The following MEMO1 variants were observed in gnomAD, a reference collection of about 807,000 sequenced individuals.
MEMO1 encodes the protein protein MEMO1.
Under a neutral mutation model 45.2 loss-of-function variants are expected in MEMO1, and 6 were observed. The observed-to-expected ratio is 0.13, with a 90% CI of 0.07 to 0.26. The LOEUF is 0.26. Ranked by LOEUF, MEMO1 falls within the 10% of genes least tolerant of loss-of-function variation. The probability of loss-of-function intolerance (pLI) is 1.00; values close to 1 mark genes in which losing one functional copy is unlikely to be tolerated. For missense variants in MEMO1, 184 were observed against 370.5 expected, an observed-to-expected ratio of 0.50 and a Z score of 4.13; for synonymous variants, 78 against 124.3, an observed-to-expected ratio of 0.63 and a Z score of 2.48.
chr2:31,874,661 T>C (rs1233120917), intron 8 of MEMO1, among the ~76,000 whole-genome samples: 1 of 152,018 alleles, frequency 6.6e-6, no homozygotes, highest in African/African-American at 2.4e-5. Flanking sequence ...TTAGTTTCTT[T>C]TTACTCTATC....
chr2:31,935,292 G>A (rs185206951), intron 3 of MEMO1, among the ~76,000 whole-genome samples: 13 of 152,238 alleles, frequency 8.5e-5, no homozygotes, highest in Admixed American at 5.2e-4. Context: ...CTGTGGCATA[G>A]GAAAAGCAAT....
Position 31,883,475 on chromosome 2 carries a change from A to G in MEMO1, c.581-13T>C. 1.9e-6 allele frequency: 3 copies of G among 1,548,660 alleles called. No homozygotes were observed. Among genetic ancestry groups the G allele is most frequent in the Non-Finnish European group, 2.6e-6 (3 of 1,145,858 alleles). On this transcript the variant is annotated splice_polypyrimidine_tract_variant and intron_variant, in intron 7 of 9. Coordinates refer to ENST00000404530, the MANE Select transcript of MEMO1 (RefSeq NM_001301833.4). ...CGGAACCTTTGACCTTGAAACAAAT[A>G]TCATGTACAAAATAAAATAGGGAAA...
At chr2:31,926,985 C>T (rs1211053690) in intron 4 of MEMO1, among the ~76,000 whole-genome samples, 1 of 152,056 alleles carries the variant, frequency 6.6e-6, no homozygotes, top group East Asian at 1.9e-4. Flanking sequence ...CAAAATTATG[C>T]CAGGGTAAAA....
At chr2:31,882,043 C>A (rs1202866965) in intron 8 of MEMO1, among the ~76,000 whole-genome samples, 2 of 152,000 alleles carry the variant, frequency 1.3e-5, no homozygotes, top group African/African-American at 2.4e-5. Flanking sequence ...ACTCAGGAGG[C>A]TGAGGTGGGA....
chr2:32,008,454 C>T (rs898749103), intron 2 of MEMO1, among the ~76,000 whole-genome samples: 1 of 152,104 alleles, frequency 6.6e-6, no homozygotes, highest in Admixed American at 6.6e-5. Context: ...CGTGGTGGCG[C>T]GCGCCTGTAA....
chr2:31,886,333 G>C (rs1198580011), intron 7 of MEMO1, among the ~76,000 whole-genome samples: 2 of 152,086 alleles, frequency 1.3e-5, no homozygotes, highest in Non-Finnish European at 2.9e-5. Flanking sequence ...ATGTATTCTG[G>C]TCAATATACA....
intron 2 of MEMO1, among the ~76,000 whole-genome samples, chr2:32,006,874 G>A (rs1437459661): frequency 6.6e-6 from 1 of 150,990 alleles, no homozygotes; most frequent in Non-Finnish European, 1.5e-5. Flanking sequence ...CTGAGGCAGA[G>A]GGATCTCTTG....
chr2:31,913,523 T>G (rs906559594), intron 6 of MEMO1, among the ~76,000 whole-genome samples: 1 of 151,794 alleles, frequency 6.6e-6, no homozygotes, highest in African/African-American at 2.4e-5. Flanking sequence ...AAGAGTTTTT[T>G]TTTTTTTTTA....
chr2:31,953,454 A>ATTTTTTTTTTTTTT (rs148325193), intron 2 of MEMO1, among the ~76,000 whole-genome samples: 1 of 143,938 alleles, frequency 6.9e-6, no homozygotes, highest in African/African-American at 2.6e-5. Flanking sequence ...CTTTCATAAG[A>ATTTTTTTTTTTTTT]TTTTTTTTTT....
intron 7 of MEMO1, 122 bp downstream of exon 7, chr2:31,891,870 G>A (rs1677035336): frequency 2.0e-6 from 2 of 1,010,774 alleles, no homozygotes; most frequent in Non-Finnish European, 2.9e-6. Context: ...AAACACTGCT[G>A]CCAGAAGTAA....
At chr2:31,868,923 TTTAA>T (rs550614188) in intron 9 of MEMO1, among the ~76,000 whole-genome samples, 121 of 152,346 alleles carry the variant, frequency 7.9e-4, no homozygotes, top group Non-Finnish European at 9.3e-4. Context: ...GGATTTTTAC[TTTAA>T]TTGTCGATTG....
intron 4 of MEMO1, chr2:31,923,754 T>G: frequency 6.6e-7 from 1 of 1,523,706 alleles, no homozygotes; most frequent in Non-Finnish European, 8.8e-7. Context: ...ACAGTCAAAA[T>G]ATGAAGTGAT....
At chr2:31,932,725 G>A (rs1270096973) in intron 3 of MEMO1, among the ~76,000 whole-genome samples, 4 of 152,072 alleles carry the variant, frequency 2.6e-5, no homozygotes, top group African/African-American at 7.2e-5. Context: ...ATAAGCCACC[G>A]CACTTGGCCT....
intron 2 of MEMO1, among the ~76,000 whole-genome samples, chr2:31,996,816 G>A (rs1044217063): frequency 4.6e-5 from 7 of 152,092 alleles, no homozygotes; most frequent in South Asian, 2.1e-4. Context: ...ATGCAGCCTC[G>A]AACTCCTGGG....
At chr2:31,978,824 G>A (rs1309597902) in intron 2 of MEMO1, among the ~76,000 whole-genome samples, 7 of 152,072 alleles carry the variant, frequency 4.6e-5, no homozygotes, top group African/African-American at 1.7e-4. Context: ...ATTTTCCCAA[G>A]CAACATCTAA....
chr2:31,908,165 T>C (rs941389739), intron 6 of MEMO1, among the ~76,000 whole-genome samples: 10 of 152,224 alleles, frequency 6.6e-5, no homozygotes, highest in Admixed American at 6.5e-4. Context: ...GAAGCTCAGA[T>C]TTGTAAATGT....
intron 6 of MEMO1, 82 bp from the exon 7 acceptor site, chr2:31,892,216 G>T (rs1443507860): frequency 8.2e-7 from 1 of 1,225,526 alleles, no homozygotes; most frequent in Non-Finnish European, 1.2e-6. Context: ...TTAGAAAGTG[G>T]AATATGTATT....
chr2:31,882,929 A>G (rs1675632117), intron 8 of MEMO1, among the ~76,000 whole-genome samples: 1 of 152,174 alleles, frequency 6.6e-6, no homozygotes, highest in African/African-American at 2.4e-5. Context: ...AAAACTAAAA[A>G]TATACTAAGT....
At chr2:31,950,238 G>A (rs1255919069) in intron 2 of MEMO1, among the ~76,000 whole-genome samples, 2 of 150,988 alleles carry the variant, frequency 1.3e-5, no homozygotes, top group African/African-American at 4.9e-5. Context: ...AAAAGCAGCT[G>A]AGCATGATGA....
Sources: gnomAD v4.1 joint callset for allele counts (sites outside exome capture counted in the v4.1 genomes callset) on GRCh38, gnomAD v4.1.1 for gene constraint, MANE v1.5 for transcripts, NCBI Gene and HGNC (gene_info 2026-07-23, HGNC 2026-07-21) for gene names.